Variants in CNTN5 observed in about 807,000 individuals in gnomAD.
CNTN5 encodes the protein contactin 5.
CNTN5 carries 77 observed loss-of-function variants against 129.1 expected under a neutral mutation model. The ratio of observed to expected loss-of-function variants is 0.60; its 90% CI spans 0.50 to 0.72. CNTN5 has a LOEUF of 0.72. Among genes scored for constraint, CNTN5 ranks in the 30% least tolerant of loss-of-function variants. The probability of loss-of-function intolerance (pLI) is 0.00; values close to 1 mark genes in which losing one functional copy is unlikely to be tolerated. For synonymous variants in CNTN5, 509 were observed against 465.6 expected (o/e 1.09, Z -1.20); for missense variants, 1,478 against 1,328.8 (o/e 1.11, Z -1.75).
intron 2 of CNTN5, among the ~76,000 whole-genome samples, chr11:99,348,707 T>A (rs777878884): frequency 1.3e-5 from 2 of 152,206 alleles, no homozygotes; most frequent in Non-Finnish European, 2.9e-5. Flanking sequence ...AATTTTCCAG[T>A]TGACAGTGTG....
intron 13 of CNTN5, among the ~76,000 whole-genome samples, chr11:100,155,982 T>TAATA (rs905489136): frequency 3.3e-5 from 5 of 152,012 alleles, no homozygotes; most frequent in Admixed American, 6.6e-5. Flanking sequence ...CTTCCTATTT[T>TAATA]AATACCCTTT....
At chr11:99,397,373 A>G (rs1176603400) in intron 2 of CNTN5, among the ~76,000 whole-genome samples, 1 of 151,762 alleles carries the variant, frequency 6.6e-6, no homozygotes, top group Non-Finnish European at 1.5e-5. Flanking sequence ...TTATTCTCCC[A>G]TTCTGTAGTA....
intron 2 of CNTN5, among the ~76,000 whole-genome samples, chr11:99,431,930 T>G (rs939095234): frequency 6.6e-5 from 10 of 151,904 alleles, no homozygotes; most frequent in Non-Finnish European, 1.5e-4. Context: ...GGCTGGAGGG[T>G]CAAGAGGGAG....
At chr11:99,824,160 G>A (rs1336125996) in intron 4 of CNTN5, among the ~76,000 whole-genome samples, 2 of 151,836 alleles carry the variant, frequency 1.3e-5, no homozygotes, top group Admixed American at 6.6e-5. Flanking sequence ...AAGTATTTTA[G>A]GAGTGCAATT....
chr11:99,050,208 T>C (rs560357789), intron 1 of CNTN5, among the ~76,000 whole-genome samples: 36 of 152,060 alleles, frequency 2.4e-4, no homozygotes, highest in Non-Finnish European at 4.6e-4. Context: ...ATGAAATGTA[T>C]TGACTGACAC....
chr11:99,685,357 T>C (rs1340500355), intron 3 of CNTN5, among the ~76,000 whole-genome samples: 2 of 151,888 alleles, frequency 1.3e-5, no homozygotes, highest in East Asian at 3.8e-4. Flanking sequence ...CTGAGTACAG[T>C]CTTTCATATA....
intron 3 of CNTN5, among the ~76,000 whole-genome samples, chr11:99,763,304 C>T (rs1944649455): frequency 6.6e-6 from 1 of 152,028 alleles, no homozygotes; most frequent in South Asian, 2.1e-4. Context: ...AGAGATGCAA[C>T]ACCCAAGAGG....
intron 2 of CNTN5, among the ~76,000 whole-genome samples, chr11:99,379,305 T>A (rs1051909727): frequency 2.7e-4 from 41 of 151,722 alleles, no homozygotes; most frequent in African/African-American, 2.2e-4. Context: ...TGATTTTTTT[T>A]ATATTATCTC....
At chr11:99,586,066 G>A (rs1380552796) in intron 3 of CNTN5, among the ~76,000 whole-genome samples, 1 of 151,606 alleles carries the variant, frequency 6.6e-6, no homozygotes, top group East Asian at 1.9e-4. Flanking sequence ...CTCATATCAT[G>A]TATTTCATTC....
At chr11:99,708,424 C>G (rs544137716) in intron 3 of CNTN5, among the ~76,000 whole-genome samples, 1 of 151,352 alleles carries the variant, frequency 6.6e-6, no homozygotes, top group South Asian at 2.1e-4. Flanking sequence ...TGTAATGTCA[C>G]AGTCAATCAG....
At chr11:99,740,580 G>T (rs961941118) in intron 3 of CNTN5, among the ~76,000 whole-genome samples, 1 of 152,124 alleles carries the variant, frequency 6.6e-6, no homozygotes, top group African/African-American at 2.4e-5. Flanking sequence ...ATTAGAAGGA[G>T]GCTTCCTTTC....
chr11:99,634,038 T>C (rs533203369), intron 3 of CNTN5, among the ~76,000 whole-genome samples: 28 of 151,900 alleles, frequency 1.8e-4, no homozygotes, highest in Admixed American at 2.0e-4. Flanking sequence ...CAATAAAGAG[T>C]GTTAAGTAAG....
At chr11:99,800,040 C>T (rs1245149860) in intron 3 of CNTN5, among the ~76,000 whole-genome samples, 1 of 151,698 alleles carries the variant, frequency 6.6e-6, no homozygotes, top group Non-Finnish European at 1.5e-5. Context: ...TATTCTAGTT[C>T]CTCTATCTGG....
At chr11:100,043,922 A>T (rs934120447) in intron 9 of CNTN5, among the ~76,000 whole-genome samples, 4 of 152,110 alleles carry the variant, frequency 2.6e-5, no homozygotes, top group Non-Finnish European at 4.4e-5. Context: ...CAAGGGGTAC[A>T]AGTGCAGTTT....
At chr11:99,836,819 T>C (rs1410006715) in intron 4 of CNTN5, among the ~76,000 whole-genome samples, 3 of 152,224 alleles carry the variant, frequency 2.0e-5, no homozygotes, top group South Asian at 2.1e-4. Flanking sequence ...TTCCTGACTT[T>C]TTAATGATTG....
At chr11:99,056,425 G>C (rs951116895) in intron 1 of CNTN5, among the ~76,000 whole-genome samples, 1 of 151,924 alleles carries the variant, frequency 6.6e-6, no homozygotes, top group Non-Finnish European at 1.5e-5. Flanking sequence ...AGGCTAAATG[G>C]AAACTAGACA....
At chr11:99,639,561 T>TTTG (rs1363329172) in intron 3 of CNTN5, among the ~76,000 whole-genome samples, 1 of 127,694 alleles carries the variant, frequency 7.8e-6, no homozygotes, top group Non-Finnish European at 1.6e-5. Context: ...ACCTTTATGT[T>TTTG]TTTTTTTTTT....
chr11:99,606,502 C>T (rs373762542), intron 3 of CNTN5, among the ~76,000 whole-genome samples: 7 of 143,016 alleles, frequency 4.9e-5, no homozygotes, highest in African/African-American at 1.3e-4. Context: ...GAATCAATAT[C>T]GTGAAAATGG....
At chr11:99,025,204 G>A (rs1201831367) in intron 1 of CNTN5, among the ~76,000 whole-genome samples, 1 of 151,836 alleles carries the variant, frequency 6.6e-6, no homozygotes, top group African/African-American at 2.4e-5. Flanking sequence ...AAAGCAAGAA[G>A]CCAATACATT....
Sources: gnomAD v4.1 joint callset for allele counts (sites outside exome capture counted in the v4.1 genomes callset) on GRCh38, gnomAD v4.1.1 for gene constraint, MANE v1.5 for transcripts, NCBI Gene and HGNC (gene_info 2026-07-23, HGNC 2026-07-21) for gene names.